Variants in EIF4EBP2 observed in about 807,000 individuals in gnomAD.
EIF4EBP2 encodes eukaryotic translation initiation factor 4E binding protein 2.
A neutral mutation model predicts 10.3 loss-of-function variants in EIF4EBP2; 5 were observed. The observed-to-expected ratio is 0.48, with a 90% CI of 0.25 to 1.02. The LOEUF (loss-of-function observed/expected upper bound fraction) is 1.02, where lower values mean the gene tolerates loss of function less well. Ranked by LOEUF, EIF4EBP2 falls within the 50% of genes least tolerant of loss-of-function variation. EIF4EBP2 has a pLI of 0.15. For missense variants in EIF4EBP2, 188 were observed against 162.2 expected (o/e 1.16, Z -0.86); for synonymous variants, 67 against 61.1 (o/e 1.10, Z -0.45).
intron 1 of EIF4EBP2, among the ~76,000 whole-genome samples, chr10:70,408,723 G>A (rs1410438944): frequency 6.6e-6 from 1 of 152,172 alleles, no homozygotes; most frequent in Non-Finnish European, 1.5e-5. Flanking sequence ...TCGCACAAAA[G>A]GGGACAACAG....
chr10:70,415,891 C>T (rs1386503455), intron 1 of EIF4EBP2, among the ~76,000 whole-genome samples: 1 of 150,224 alleles, frequency 6.7e-6, no homozygotes, highest in Admixed American at 6.6e-5. Flanking sequence ...AAAAAACATA[C>T]ATTGGACATC....
At position 70,424,623 on chromosome 10, in the gene EIF4EBP2, C is replaced by G. The variant is rs973107138; in HGVS notation, c.*2876C>G. The G allele has an allele frequency of 1.3e-5, 2 of 152,186 alleles. No individual in the cohort carries two copies. The highest frequency in any genetic ancestry group is 1.5e-5 in the Non-Finnish European group (1 of 68,034). The allele number at this position is 152,186 out of a possible 1,614,324, so 9.4% of individuals were successfully genotyped here. On this transcript the variant is annotated 3_prime_UTR_variant, in exon 3 of 3. Transcript: ENST00000373218. ...GAGAAGGAGCACTCTTAAGTTACCACTTTGAGACAGCTCTTAACATCTTAG... is the reference window on the plus strand; with the variant it reads ...GAGAAGGAGCACTCTTAAGTTACCAGTTTGAGACAGCTCTTAACATCTTAG...
intron 2 of EIF4EBP2, 40 bp from the exon 3 acceptor site, chr10:70,421,676 G>A (rs1355993938): frequency 1.3e-6 from 2 of 1,586,490 alleles, no homozygotes; most frequent in Admixed American, 1.7e-5. Context: ...ATGCTTCTTT[G>A]TGTACGTGCT....
At chr10:70,406,259 C>G (rs1313677232) in intron 1 of EIF4EBP2, among the ~76,000 whole-genome samples, 2 of 152,212 alleles carry the variant, frequency 1.3e-5, no homozygotes, top group African/African-American at 2.4e-5. Context: ...AGGCGTGAGC[C>G]ACTGCACCCG....
rs1845227715 is a variant in EIF4EBP2 at position 70,428,505 on chromosome 10, T to C, written c.*6758T>C. On this transcript the variant is annotated 3_prime_UTR_variant, in exon 3 of 3. Coordinates refer to ENST00000373218, the MANE Select transcript of EIF4EBP2 (RefSeq NM_004096.5). ...CCTGTGTGATTCCATGATCAGTTGT[T>C]TTTGTATTTTAACTATTCTTCCAAA... The C allele has an allele frequency of 6.6e-6, 1 of 152,202 alleles. No homozygotes were observed. The highest frequency in any genetic ancestry group is 1.5e-5 in the Non-Finnish European group (1 of 68,036). The allele number at this position is 152,202 out of a possible 1,614,324, so 9.4% of individuals were successfully genotyped here.
intron 1 of EIF4EBP2, among the ~76,000 whole-genome samples, chr10:70,413,469 T>C (rs2137227519): frequency 6.6e-6 from 1 of 152,038 alleles, no homozygotes; most frequent in Non-Finnish European, 1.5e-5. Flanking sequence ...CTACAAAATA[T>C]AAAATTAGTT....
chr10:70,422,890 G>A lies in EIF4EBP2; in HGVS notation c.*1143G>A, dbSNP rs1845172772. ...TGGATCTGCTTTGTTTGGCTGCTGG[G>A]ATAGATAAGCATGGGCTTAAAAAAT... On this transcript the variant is annotated 3_prime_UTR_variant, in exon 3 of 3. Transcript: ENST00000373218. 1.3e-5 allele frequency: 2 copies of A among 152,144 alleles called. No individual in the cohort carries two copies. The highest frequency in any genetic ancestry group is 4.1e-4 in the South Asian group (2 of 4,834). 9.4% of individuals were successfully genotyped at this position (152,144 alleles called of 1,614,324 possible).
rs1292928805 is a variant in EIF4EBP2 at position 70,424,626 on chromosome 10, T to C, written c.*2879T>C. Reference sequence around the variant, plus strand: ...AAGGAGCACTCTTAAGTTACCACTTTGAGACAGCTCTTAACATCTTAGTGA... The same window carrying C: ...AAGGAGCACTCTTAAGTTACCACTTCGAGACAGCTCTTAACATCTTAGTGA... On this transcript the variant is annotated 3_prime_UTR_variant, in exon 3 of 3. Coordinates refer to ENST00000373218, the MANE Select transcript of EIF4EBP2 (RefSeq NM_004096.5). 2 of 152,266 alleles carry C rather than the reference T, an allele frequency of 1.3e-5. No individual in the cohort carries two copies. Among genetic ancestry groups the C allele is most frequent in the Non-Finnish European group, 2.9e-5 (2 of 68,044 alleles). The allele number at this position is 152,266 out of a possible 1,614,324, so 9.4% of individuals were successfully genotyped here.
intron 1 of EIF4EBP2, among the ~76,000 whole-genome samples, chr10:70,411,897 A>G (rs923835710): frequency 4.6e-5 from 7 of 152,154 alleles, no homozygotes; most frequent in African/African-American, 1.7e-4. Context: ...GGTCAAACTA[A>G]TATGTATGTA....
rs1207921529 is a variant in EIF4EBP2 at position 70,425,222 on chromosome 10, G to A, written c.*3475G>A. On this transcript the variant is annotated 3_prime_UTR_variant, in exon 3 of 3. Transcript: ENST00000373218. ...ACACCTGGCTTCTCCCTGAGCAGCT[G>A]ATTCCAGAGATCATGGGGCAGGGCC... 6.6e-6 allele frequency: 1 copy of A among 152,256 alleles called. No individual in the cohort carries two copies. Among genetic ancestry groups the A allele is most frequent in the Admixed American group, 6.5e-5 (1 of 15,284 alleles). The allele number at this position is 152,256 out of a possible 1,614,324, so 9.4% of individuals were successfully genotyped here.
intron 1 of EIF4EBP2, among the ~76,000 whole-genome samples, chr10:70,407,319 A>AACGAGC (rs1844978107): frequency 6.6e-6 from 1 of 152,090 alleles, no homozygotes; most frequent in Non-Finnish European, 1.5e-5. Flanking sequence ...GATGACTCTT[A>AACGAGC]ACGAGCACGC....
rs1252864384 is a variant in EIF4EBP2, at chr10:70,423,767, T to C, written c.*2020T>C. On this transcript the variant is annotated 3_prime_UTR_variant, in exon 3 of 3. Coordinates refer to ENST00000373218, the MANE Select transcript of EIF4EBP2 (RefSeq NM_004096.5). ...AGTTCAGAGTGAAAACCTTTTGTGA[T>C]GGTTGATGTCTCAGGAATAAGCTGG... 6.6e-6 allele frequency: 1 copy of C among 152,664 alleles called. No individual in the cohort carries two copies. Among genetic ancestry groups the C allele is most frequent in the African/African-American group, 2.4e-5 (1 of 41,458 alleles). The allele number at this position is 152,664 out of a possible 1,614,324, so 9.5% of individuals were successfully genotyped here. A position where few individuals can be genotyped will look rare whatever the true frequency, so the allele number is the denominator to read the frequency against.
intron 1 of EIF4EBP2, among the ~76,000 whole-genome samples, chr10:70,416,975 G>A (rs1009263066): frequency 2.4e-4 from 36 of 152,016 alleles, no homozygotes; most frequent in African/African-American, 8.0e-4. Context: ...CACTTTTTTA[G>A]TTTGGTATAT....
intron 1 of EIF4EBP2, among the ~76,000 whole-genome samples, chr10:70,408,891 G>A (rs1223746835): frequency 2.6e-5 from 4 of 152,202 alleles, no homozygotes; most frequent in Admixed American, 2.6e-4. Context: ...TGATAGGCTT[G>A]TATTGGAAAT....
intron 1 of EIF4EBP2, among the ~76,000 whole-genome samples, chr10:70,416,888 A>G (rs1039558140): frequency 2.6e-5 from 4 of 151,976 alleles, no homozygotes; most frequent in African/African-American, 9.7e-5. Flanking sequence ...GCTGGTCTTG[A>G]ACTTGTGAGG....
chr10:70,424,416 G>A lies in EIF4EBP2; in HGVS notation c.*2669G>A, dbSNP rs553796924. ...TCTTTTATCTTATGGAGATAAATTGGCATTTAAAAAATAATTTCACAAGGC... is the reference window on the plus strand; with the variant it reads ...TCTTTTATCTTATGGAGATAAATTGACATTTAAAAAATAATTTCACAAGGC... On this transcript the variant is annotated 3_prime_UTR_variant, in exon 3 of 3. Coordinates refer to ENST00000373218, the MANE Select transcript of EIF4EBP2 (RefSeq NM_004096.5). 2 of 152,162 alleles carry A rather than the reference G, an allele frequency of 1.3e-5. No individual in the cohort carries two copies. The highest frequency in any genetic ancestry group is 4.8e-5 in the African/African-American group (2 of 41,514). 9.4% of individuals were successfully genotyped at this position (152,162 alleles called of 1,614,324 possible).
intron 1 of EIF4EBP2, among the ~76,000 whole-genome samples, chr10:70,407,369 A>G (rs370921052): frequency 2.6e-5 from 4 of 152,054 alleles, no homozygotes; most frequent in East Asian, 3.9e-4. Context: ...ATCTTGCACC[A>G]CCCTTAATCC....
chr10:70,417,521 C>T lies in EIF4EBP2; in HGVS notation c.146-2393C>T, dbSNP rs116492520. Among the ~76,000 whole-genome samples the T allele has an allele frequency of 4.9e-3, 743 of 152,246 alleles. 8 individuals are homozygous for T. Among genetic ancestry groups the T allele is most frequent in the African/African-American group, 0.017 (707 of 41,546 alleles). On this transcript the variant is annotated intron_variant, in intron 1 of 2. Transcript: ENST00000373218. ...CTATTTCAATAAACTTGTAAAATAC[C>T]GTATCTTATCAGCTCTTTAAGGTCA...
rs1238736941 is a variant in EIF4EBP2 at position 70,425,339 on chromosome 10, C to A, written c.*3592C>A. ...GTTGTTAGAAGCAAGCCACTAAGTT[C>A]AGCCTGCACTCAAGGAGAGAGGAAT... On this transcript the variant is annotated 3_prime_UTR_variant, in exon 3 of 3. Coordinates refer to ENST00000373218, the MANE Select transcript of EIF4EBP2 (RefSeq NM_004096.5). 1 of 152,256 alleles carries A rather than the reference C, an allele frequency of 6.6e-6. No individual in the cohort carries two copies. The highest frequency in any genetic ancestry group is 1.5e-5 in the Non-Finnish European group (1 of 68,068). 9.4% of individuals were successfully genotyped at this position (152,256 alleles called of 1,614,324 possible). A position where few individuals can be genotyped will look rare whatever the true frequency, so the allele number is the denominator to read the frequency against.
Sources: allele counts gnomAD v4.1 joint callset (sites outside exome capture counted in the v4.1 genomes callset), GRCh38; gene constraint gnomAD v4.1.1; transcripts MANE v1.5; gene names NCBI Gene and HGNC (gene_info 2026-07-23, HGNC 2026-07-21).